The following DNAH7 variants were observed in gnomAD, a reference collection of about 807,000 sequenced individuals.
The protein encoded by DNAH7 is axonemal beta dynein heavy chain 7.
In DNAH7, 397 loss-of-function variants were observed where a neutral mutation model predicts 444.6. The ratio of observed to expected loss-of-function variants is 0.89; its 90% confidence interval spans 0.82 to 0.97. DNAH7 has a LOEUF of 0.97. DNAH7 is among the 50% of genes least tolerant of loss of function. The pLI is 0.00. For missense variants in DNAH7, 4,902 were observed against 4,800.8 expected, an observed-to-expected ratio of 1.02 and a Z score of -0.62; for synonymous variants, 1,636 against 1,624.4, an observed-to-expected ratio of 1.01 and a Z score of -0.17.
At chr2:195,969,595 C>A (rs999072734) in intron 17 of DNAH7, among the ~76,000 whole-genome samples, 2 of 152,128 alleles carry the variant, frequency 1.3e-5, no homozygotes, top group African/African-American at 4.8e-5. Context: ...AAGAACTAAA[C>A]CGTAACCAGG....
At chr2:195,886,092 G>A in intron 34 of DNAH7, 49 bp downstream of exon 34, 1 of 1,572,464 alleles carries the variant, frequency 6.4e-7, no homozygotes, top group Non-Finnish European at 8.6e-7. Context: ...GGGGAAAGCA[G>A]TAGATACCTG....
At position 195,987,132 on chromosome 2, in the gene DNAH7, C is replaced by T. The variant is rs769238581; in HGVS notation, c.1688G>A (p.Arg563Gln). 12 of 1,608,502 alleles carry T rather than the reference C, an allele frequency of 7.5e-6. No homozygotes were observed. The highest frequency in any genetic ancestry group is 1.7e-4 in the Middle Eastern group (1 of 6,052). Residue 563 changes from arginine (R) to glutamine (Q), a missense_variant, in exon 14 of 65, where the codon CGA becomes CAA. Arg to Gln is a conservative substitution (Grantham distance 43). Coordinates refer to ENST00000312428, the MANE Select transcript of DNAH7 (RefSeq NM_018897.3). ...CEELIRALVK[R>Q]ADIICGKLLA... ...AAGTTTCCCACAAATAATATCTGCT[C>T]GCTTCACCAAAGCTCTGATTAATTC...
chr2:195,844,842 A>G (rs1698890242), intron 47 of DNAH7, among the ~76,000 whole-genome samples, 160 bp downstream of exon 47: 2 of 152,206 alleles, frequency 1.3e-5, no homozygotes, highest in African/African-American at 4.8e-5. Flanking sequence ...CTATTATAAT[A>G]TTAATAAGAG....
Position 195,817,691 on chromosome 2 carries a change from A to T in DNAH7, c.9425+5T>A, listed in dbSNP as rs1368284865. 1 of 1,600,774 alleles carries T rather than the reference A, an allele frequency of 6.2e-7. No homozygotes were observed. The highest frequency in any genetic ancestry group is 8.5e-7 in the Non-Finnish European group (1 of 1,176,628). Reference sequence around the variant, plus strand: ...AAGAATAGTTCTGTTTATGACATTTAAAACCTTTTATTTTCAGCTCCTTGT... The same window carrying T: ...AAGAATAGTTCTGTTTATGACATTTTAAACCTTTTATTTTCAGCTCCTTGT... On this transcript the variant is annotated splice_donor_5th_base_variant and intron_variant, in intron 50 of 64. Coordinates refer to ENST00000312428, the MANE Select transcript of DNAH7 (RefSeq NM_018897.3).
chr2:195,923,561 G>T, intron 23 of DNAH7, 34 bp downstream of exon 23: 2 of 1,590,180 alleles, frequency 1.3e-6, no homozygotes, highest in Non-Finnish European at 1.7e-6. Context: ...AGCTGAAATT[G>T]CTGTGTAATA....
At chr2:195,994,799 C>G (rs1291434235) in intron 12 of DNAH7, 157 of 463,686 alleles carry the variant, frequency 3.4e-4, no homozygotes, top group Non-Finnish European at 1.0e-4. Context: ...AGTTTGAGGT[C>G]CAGGGTATAG....
chr2:195,774,388 G>GA (rs1361899123), intron 60 of DNAH7, among the ~76,000 whole-genome samples: 1 of 152,196 alleles, frequency 6.6e-6, no homozygotes, highest in Non-Finnish European at 1.5e-5. Context: ...TCCCTTATTA[G>GA]AAAATGTCAT....
intron 24 of DNAH7, among the ~76,000 whole-genome samples, chr2:195,915,632 C>T (rs966384268): frequency 6.6e-6 from 1 of 152,174 alleles, no homozygotes; most frequent in Admixed American, 6.5e-5. Context: ...CTTCTAATTT[C>T]TCACTCCATC....
At chr2:195,866,178 G>A (rs147251205) in intron 40 of DNAH7, among the ~76,000 whole-genome samples, 7 of 152,220 alleles carry the variant, frequency 4.6e-5, no homozygotes, top group East Asian at 1.9e-4. Flanking sequence ...TACCTACCTC[G>A]CAAATCTCAT....
chr2:195,746,559 T>C (rs1275624563), intron 63 of DNAH7, among the ~76,000 whole-genome samples: 84 of 152,222 alleles, frequency 5.5e-4, no homozygotes, highest in African/African-American at 1.7e-3. Flanking sequence ...TTCAGCACCG[T>C]AACACACCTA....
intron 36 of DNAH7, among the ~76,000 whole-genome samples, chr2:195,880,074 A>G (rs932667473): frequency 5.3e-5 from 8 of 152,164 alleles, no homozygotes; most frequent in Non-Finnish European, 5.9e-5. Flanking sequence ...TAATTTGAAG[A>G]GAAAAATCAC....
At position 195,858,593 on chromosome 2, in the gene DNAH7, T is replaced by C. The variant is rs750330036; in HGVS notation, c.7948A>G (p.Ile2650Val). Residue 2650 changes from isoleucine (I) to valine (V), a missense_variant, in exon 43 of 65, where the codon ATA becomes GTA. By Grantham distance (29) the Ile-to-Val change is conservative. Coordinates refer to ENST00000312428, the MANE Select transcript of DNAH7 (RefSeq NM_018897.3). The part of the protein sequence containing the change: ...TEKIVKADET[I>V]ANEQAMASKA... ...GAAGCCATAGCTTGTTCATTCGCTATTGTTTCATCAGCTTTCACTATTTTT... is the reference window on the plus strand; with the variant it reads ...GAAGCCATAGCTTGTTCATTCGCTACTGTTTCATCAGCTTTCACTATTTTT... 1.1e-5 allele frequency: 17 copies of C among 1,613,926 alleles called. No homozygotes were observed. Among genetic ancestry groups the C allele is most frequent in the African/African-American group, 2.7e-5 (2 of 74,926 alleles).
intron 34 of DNAH7, among the ~76,000 whole-genome samples, 176 bp downstream of exon 34, chr2:195,885,965 G>A (rs1013069406): frequency 7.9e-5 from 12 of 152,168 alleles, no homozygotes; most frequent in African/African-American, 2.2e-4. Flanking sequence ...CAGGCAAGAA[G>A]CTTCCCCACC....
chr2:195,853,004 G>C (rs545432780), intron 46 of DNAH7, among the ~76,000 whole-genome samples: 30 of 152,026 alleles, frequency 2.0e-4, no homozygotes, highest in African/African-American at 7.0e-4. Context: ...GTTATCAGTA[G>C]AGGCTACCAT....
intron 19 of DNAH7, among the ~76,000 whole-genome samples, chr2:195,938,224 TCC>T (rs1442039662): frequency 1.3e-5 from 2 of 152,048 alleles, no homozygotes; most frequent in Non-Finnish European, 2.9e-5. Flanking sequence ...ATTACTTGTT[TCC>T]TCAATAAAAC....
At chr2:195,856,605 A>AT (rs1468404737) in intron 44 of DNAH7, among the ~76,000 whole-genome samples, 2 of 152,234 alleles carry the variant, frequency 1.3e-5, no homozygotes, top group African/African-American at 4.8e-5. Flanking sequence ...AAAACATCCT[A>AT]TGACAGTTGT....
At chr2:195,872,164 A>G (rs1700750791) in intron 40 of DNAH7, 86 bp downstream of exon 40, 6 of 1,092,402 alleles carry the variant, frequency 5.5e-6, no homozygotes, top group Non-Finnish European at 8.1e-6. Flanking sequence ...AGCAATATAA[A>G]TTGAAGAATA....
chr2:195,864,184 C>G lies in DNAH7; in HGVS notation c.7471G>C (p.Ala2491Pro). 4 of 1,614,032 alleles carry G rather than the reference C, an allele frequency of 2.5e-6. No individual in the cohort carries two copies. The highest frequency in any genetic ancestry group is 3.4e-6 in the Non-Finnish European group (4 of 1,179,974). The change falls in exon 41 of 65, where the codon GCT (alanine) becomes CCT (proline). Residue 2491 changes from alanine to proline, a missense_variant. Coordinates refer to ENST00000312428, the MANE Select transcript of DNAH7 (RefSeq NM_018897.3). Reference sequence around the variant, plus strand: ...TCAATGGTACAGCAGTTAACAAGAGCAGGGAACTTTCTAAGACGATTCCGA... The same window carrying G: ...TCAATGGTACAGCAGTTAACAAGAGGAGGGAACTTTCTAAGACGATTCCGA... ...AFRNRLRKFPALVNCCTIDWF... is the reference protein window; with the variant it reads ...AFRNRLRKFPPLVNCCTIDWF...
chr2:196,051,501 G>A (rs1453131623), intron 2 of DNAH7, among the ~76,000 whole-genome samples: 5 of 152,108 alleles, frequency 3.3e-5, no homozygotes, highest in Admixed American at 2.0e-4. Context: ...CCGGCCAGGC[G>A]CGGTGGCTGT....
Sources: allele counts gnomAD v4.1 joint callset (sites outside exome capture counted in the v4.1 genomes callset), GRCh38; gene constraint gnomAD v4.1.1; transcripts MANE v1.5; gene names NCBI Gene and HGNC (gene_info 2026-07-23, HGNC 2026-07-21).